Variants in CCDC57 observed in about 807,000 individuals in gnomAD.
The protein encoded by CCDC57 is coiled-coil domain containing 57.
A neutral mutation model predicts 118.9 loss-of-function variants in CCDC57; 118 were observed. The ratio of observed to expected loss-of-function variants is 0.99; its 90% CI spans 0.86 to 1.16. CCDC57 has a LOEUF of 1.16. CCDC57 is among the 50% of genes most tolerant of loss of function. The pLI, the probability that CCDC57 is intolerant of heterozygous loss-of-function variation, is 0.00. For synonymous variants in CCDC57, 527 were observed against 532.9 expected (o/e 0.99, Z 0.15); for missense variants, 1,300 against 1,320.7 (o/e 0.98, Z 0.24).
exon 18 of CCDC57, chr17:82,128,519 T>C (rs4625783): frequency 0.55 from 858,757 of 1,563,182 alleles, 244,344 homozygotes; most frequent in Non-Finnish European, 0.59. Flanking sequence ...GCGTCAAGTC[T>C]GCTGCCCACC....
intron 18 of CCDC57, among the ~76,000 whole-genome samples, chr17:82,128,217 G>C (rs907554302): frequency 3.3e-5 from 5 of 152,174 alleles, no homozygotes; most frequent in Non-Finnish European, 7.3e-5. Flanking sequence ...CTGAAATGCA[G>C]GGCAGATACC....
intron 7 of CCDC57, among the ~76,000 whole-genome samples, chr17:82,191,016 G>A (rs2047609469): frequency 6.6e-6 from 1 of 151,902 alleles, no homozygotes; most frequent in Non-Finnish European, 1.5e-5. Context: ...AATTCCTGAT[G>A]AAGAAAGCTG....
At chr17:82,188,673 G>A (rs2047281698) in intron 7 of CCDC57, among the ~76,000 whole-genome samples, 1 of 152,270 alleles carries the variant, frequency 6.6e-6, no homozygotes. Context: ...ACCAAAAGGA[G>A]GTGCATAGAG....
chr17:82,114,088 G>A (rs1428084281), intron 19 of CCDC57, among the ~76,000 whole-genome samples: 8 of 152,188 alleles, frequency 5.3e-5, no homozygotes, highest in African/African-American at 7.2e-5. Context: ...GGGTTCCCTC[G>A]TCAGTACACA....
chr17:82,177,639 C>T (rs1271845128), intron 11 of CCDC57, among the ~76,000 whole-genome samples: 10 of 152,192 alleles, frequency 6.6e-5, no homozygotes, highest in South Asian at 2.1e-4. Context: ...TAAGTACACT[C>T]GGCTGCCTTA....
chr17:82,167,384 CTT>C (rs59744852), intron 13 of CCDC57, among the ~76,000 whole-genome samples: 69,291 of 149,028 alleles, frequency 0.46, 16,789 homozygotes, highest in East Asian at 0.88. Flanking sequence ...GATTTTTGCT[CTT>C]GTAGCCCAGG....
intron 16 of CCDC57, among the ~76,000 whole-genome samples, chr17:82,148,080 G>A (rs935280158): frequency 4.2e-5 from 2 of 48,070 alleles, no homozygotes. Context: ...GTGGGTAGAT[G>A]GGTGGATGGA....
At chr17:82,157,339 G>T in intron 15 of CCDC57, 1 of 656,684 alleles carries the variant, frequency 1.5e-6, no homozygotes, top group Non-Finnish European at 2.0e-6. Context: ...TCCCCACGCA[G>T]GGAGGGCCCA....
exon 17 of CCDC57, chr17:82,134,078 A>T: frequency 7.1e-7 from 1 of 1,411,556 alleles, no homozygotes; most frequent in Admixed American, 3.4e-5. Context: ...GTTACCTGAG[A>T]TGTAAAATGG....
intron 19 of CCDC57, among the ~76,000 whole-genome samples, chr17:82,123,674 C>A (rs188847265): frequency 7.6e-4 from 115 of 152,138 alleles, no homozygotes; most frequent in African/African-American, 2.7e-3. Flanking sequence ...TAATTTAATT[C>A]TCTGACCAGA....
intron 2 of CCDC57, among the ~76,000 whole-genome samples, chr17:82,205,558 C>T (rs926885951): frequency 6.6e-6 from 1 of 152,214 alleles, no homozygotes; most frequent in South Asian, 2.1e-4. Context: ...AGTTCCTGTG[C>T]ACGTGCTACT....
At chr17:82,135,538 A>G (rs542725646) in intron 16 of CCDC57, 33 of 152,358 alleles carry the variant, frequency 2.2e-4, no homozygotes, top group Admixed American at 6.5e-4. Context: ...GCCCTCAAGT[A>G]AAGCATCAGT....
intron 16 of CCDC57, 42 bp downstream of exon 15, chr17:82,151,518 C>A: frequency 1.9e-6 from 3 of 1,541,344 alleles, no homozygotes; most frequent in Non-Finnish European, 2.6e-6. Flanking sequence ...CACCCAGAAC[C>A]TGACCCACAC....
intron 16 of CCDC57, among the ~76,000 whole-genome samples, chr17:82,150,385 A>T (rs1243321665): frequency 9.7e-5 from 7 of 72,184 alleles, no homozygotes; most frequent in South Asian, 5.3e-4. Context: ...ACCCAGAACC[A>T]GGCGCACACC....
At chr17:82,106,286 G>A (rs2034838687) in intron 19 of CCDC57, 3 of 152,422 alleles carry the variant, frequency 2.0e-5, no homozygotes, top group Admixed American at 1.3e-4. Context: ...CTGCATCACG[G>A]AAGGCGGGCA....
At chr17:82,127,543 A>G (rs192246657) in intron 19 of CCDC57, 149 bp downstream of exon 18, 2 of 1,432,262 alleles carry the variant, frequency 1.4e-6, no homozygotes, top group Admixed American at 2.9e-5. Flanking sequence ...AATGAGAGGT[A>G]AAGAGACTCC....
chr17:82,147,531 G>A (rs531549863), intron 16 of CCDC57, among the ~76,000 whole-genome samples: 46 of 150,794 alleles, frequency 3.1e-4, no homozygotes, highest in Middle Eastern at 3.5e-3. Flanking sequence ...GTGGGTGGAC[G>A]GATGGATGGA....
chr17:82,149,667 C>T (rs1400250857), intron 16 of CCDC57, among the ~76,000 whole-genome samples: 1 of 152,060 alleles, frequency 6.6e-6, no homozygotes, highest in Admixed American at 6.5e-5. Context: ...GGCTTCTGTG[C>T]TCCTTCGGGC....
rs376684193 is a variant in CCDC57 at position 82,152,655 on chromosome 17, T to C, written c.2242-882A>G. 1.1e-4 allele frequency among the ~76,000 whole-genome samples: 16 copies of C among 152,344 alleles called. No individual in the cohort carries two copies. In the East Asian group the frequency reaches 3.1e-3, roughly 29 times the overall value. ...CCTGGCAAGACGGGAGCCGACGACC[T>C]ACTTCTCCCGTGCCACTCCTGGCCC... On this transcript the variant is annotated intron_variant, in intron 15 of 19. Transcript: ENST00000665763.
Sources: gnomAD v4.1 joint callset for allele counts (sites outside exome capture counted in the v4.1 genomes callset) on GRCh38, gnomAD v4.1.1 for gene constraint, MANE v1.5 for transcripts, NCBI Gene and HGNC (gene_info 2026-07-23, HGNC 2026-07-21) for gene names.